CORO7: variants seen among roughly 807,000 people sequenced by gnomAD.
The protein encoded by CORO7 is coronin 7, also known as coronin-7.
CORO7 carries 107 observed loss-of-function variants against 126.6 expected under a neutral mutation model. The observed-to-expected ratio is 0.85, with a 90% CI of 0.72 to 0.99. The LOEUF is 0.99. Ranked by LOEUF, CORO7 falls within the 50% of genes least tolerant of loss-of-function variation. CORO7 has a pLI of 0.00. For missense variants in CORO7, 1,314 were observed against 1,255.8 expected, an observed-to-expected ratio of 1.05 and a Z score of -0.70; for synonymous variants, 603 against 536.8, an observed-to-expected ratio of 1.12 and a Z score of -1.70.
chr16:4,400,632 T>TCAAAAA (rs534799292), intron 6 of CORO7, among the ~76,000 whole-genome samples: 14 of 149,708 alleles, frequency 9.4e-5, no homozygotes, highest in East Asian at 5.9e-4. Context: ...AGACTCTGTC[T>TCAAAAA]CAAAAACAAA....
chr16:4,359,102 G>T, intron 23 of CORO7, 194 bp downstream of exon 23: 1 of 652,606 alleles, frequency 1.5e-6, no homozygotes, highest in Non-Finnish European at 2.5e-6. Context: ...GGTTGAGTAT[G>T]ACAATGGCTC....
chr16:4,412,095 G>C (rs1041847174), intron 3 of CORO7, among the ~76,000 whole-genome samples: 21 of 151,968 alleles, frequency 1.4e-4, no homozygotes, highest in African/African-American at 5.1e-4. Flanking sequence ...CATCAGCCTG[G>C]AGCCTGGGGC....
intron 2 of CORO7, 52 bp downstream of exon 2, chr16:4,413,256 T>C (rs901864051): frequency 2.6e-6 from 4 of 1,520,762 alleles, no homozygotes; most frequent in Non-Finnish European, 3.6e-6. Context: ...CCATCTATGG[T>C]GACGATGACC....
chr16:4,362,262 T>C lies in CORO7; in HGVS notation c.1403-102A>G, dbSNP rs1049395980. On this transcript the variant is annotated intron_variant, in intron 15 of 27. Coordinates refer to ENST00000251166, the MANE Select transcript of CORO7 (RefSeq NM_024535.5). This position sits in a 1 kb window ranked among gnomAD's most constrained non-coding sequence, Gnocchi z 5.3. ...GCCCACTCCCCTCACCCCAGGTGGA[T>C]GTACAGCATGGACCTAGGCCCAGGC... is the stretch of plus-strand genomic sequence containing the variant. The C allele has an allele frequency of 2.1e-6, 3 of 1,459,818 alleles. No individual in the cohort carries two copies. Among genetic ancestry groups the C allele is most frequent in the Non-Finnish European group, 2.7e-6 (3 of 1,095,038 alleles). 90.4% of individuals were successfully genotyped at this position (1,459,818 alleles called of 1,614,324 possible).
At chr16:4,396,010 G>GTGTGTGTGTGTGTA (rs1266235779) in intron 6 of CORO7, among the ~76,000 whole-genome samples, 1 of 149,456 alleles carries the variant, frequency 6.7e-6, no homozygotes, top group Non-Finnish European at 1.5e-5. Flanking sequence ...GTGTGTGTGT[G>GTGTGTGTGTGTGTA]TACACAAACA....
chr16:4,382,819 G>C, intron 9 of CORO7: 1 of 1,597,004 alleles, frequency 6.3e-7, no homozygotes, highest in Non-Finnish European at 8.5e-7. Context: ...CCTGCCCAGC[G>C]GGTCTGAGTG....
intron 1 of CORO7, among the ~76,000 whole-genome samples, chr16:4,416,193 G>A (rs1269725158): frequency 6.6e-6 from 1 of 152,146 alleles, no homozygotes; most frequent in South Asian, 2.1e-4. Context: ...GCGCCGCCTC[G>A]GGGGTCCCGG....
At chr16:4,361,560 C>G in intron 16 of CORO7, 91 bp from the exon 17 acceptor site, 1 of 1,433,908 alleles carries the variant, frequency 7.0e-7, no homozygotes, top group African/African-American at 1.4e-5. Context: ...GTCTGGGAGC[C>G]CACCCTCTGC....
rs188489257 is a variant in CORO7, at chr16:4,362,843, G to A, written c.1276-105C>T. The A allele has an allele frequency of 7.1e-4, 881 of 1,237,812 alleles. 5 individuals carry two copies. The African/African-American group carries it at 0.012, about 17-fold the overall frequency. The allele number at this position is 1,237,812 out of a possible 1,614,324, so 76.7% of individuals were successfully genotyped here. A position where few individuals can be genotyped will look rare whatever the true frequency, so the allele number is the denominator to read the frequency against. ...CACCACTCTGGGCCCCCTGCGGACTGGAGGAGCCCCCACTGTGGGCATGCG... is the reference window on the plus strand; with the variant it reads ...CACCACTCTGGGCCCCCTGCGGACTAGAGGAGCCCCCACTGTGGGCATGCG... On this transcript the variant is annotated intron_variant, in intron 14 of 27. Transcript: ENST00000251166. The surrounding 1 kb of genome is among the most constrained non-coding windows in gnomAD (Gnocchi z 5.3).
At chr16:4,361,654 C>A in intron 16 of CORO7, 185 bp from the exon 17 acceptor site, 1 of 828,320 alleles carries the variant, frequency 1.2e-6, no homozygotes, top group Non-Finnish European at 2.0e-6. Flanking sequence ...ACCACAAGGC[C>A]CCAGAGAGTG....
At chr16:4,408,042 G>T in intron 4 of CORO7, 139 bp downstream of exon 4, 1 of 1,337,112 alleles carries the variant, frequency 7.5e-7, no homozygotes, top group South Asian at 1.3e-5. Flanking sequence ...CAGGAATTCA[G>T]ACCAGCCCCG....
chr16:4,405,605 A>G (rs1186822493), intron 5 of CORO7, 38 bp from the exon 6 acceptor site: 20 of 1,588,472 alleles, frequency 1.3e-5, no homozygotes, highest in African/African-American at 2.7e-5. Context: ...CCGGGCAGTG[A>G]GGGCACCAGG....
At chr16:4,412,740 C>T (rs543694780) in intron 2 of CORO7, 89 of 392,500 alleles carry the variant, frequency 2.3e-4, no homozygotes, top group African/African-American at 1.5e-3. Context: ...CCACTTTTCG[C>T]ACTTTTACTT....
intron 9 of CORO7, among the ~76,000 whole-genome samples, chr16:4,366,146 C>G (rs989388170): frequency 2.0e-5 from 3 of 152,180 alleles, no homozygotes; most frequent in African/African-American, 7.2e-5. Context: ...GCCACGTGCC[C>G]GGGAGAAGGG....
intron 6 of CORO7, among the ~76,000 whole-genome samples, chr16:4,397,154 G>GT (rs1487465781): frequency 6.6e-6 from 1 of 151,878 alleles, no homozygotes. Flanking sequence ...TGAAAATATA[G>GT]TAAGTATGGC....
At chr16:4,371,252 C>G (rs2054510400) in intron 9 of CORO7, among the ~76,000 whole-genome samples, 1 of 152,164 alleles carries the variant, frequency 6.6e-6, no homozygotes, top group African/African-American at 2.4e-5. Context: ...TTAAGGCTGT[C>G]GTGGCTAAGA....
Position 4,357,986 on chromosome 16 carries a change from G to A in CORO7, c.2575C>T (p.Pro859Ser). The part of the protein sequence containing the change: ...NGQPWLLSLQ[P>S]PDMSPVSQAP... Reference sequence around the variant, plus strand: ...GGTGCACCTGGGCTCATGTCAGGAGGCTGCAGGCTGAGAAGCCAGGGCTGC... The same window carrying A: ...GGTGCACCTGGGCTCATGTCAGGAGACTGCAGGCTGAGAAGCCAGGGCTGC... The change falls in exon 25 of 28, where the codon CCT (proline) becomes TCT (serine). Residue 859 changes from proline (P) to serine (S), a missense_variant. Pro to Ser is a moderately conservative substitution (Grantham distance 74). Transcript: ENST00000251166. 6.2e-7 allele frequency: 1 copy of A among 1,608,724 alleles called. No homozygotes were observed. Among genetic ancestry groups the A allele is most frequent in the Non-Finnish European group, 8.5e-7 (1 of 1,175,874 alleles).
intron 9 of CORO7, among the ~76,000 whole-genome samples, chr16:4,387,445 C>G (rs958081893): frequency 6.6e-6 from 1 of 152,124 alleles, no homozygotes; most frequent in African/African-American, 2.4e-5. Context: ...TGGGGACATA[C>G]CTCAGGATAG....
At chr16:4,397,015 C>CAAAAAAAAAAAAAAAAAA (rs1236918347) in intron 6 of CORO7, among the ~76,000 whole-genome samples, 1 of 120,266 alleles carries the variant, frequency 8.3e-6, no homozygotes. Flanking sequence ...GACTCAATCT[C>CAAAAAAAAAAAAAAAAAA]AAAAAAAAAA....
Sources: allele counts gnomAD v4.1 joint callset (sites outside exome capture counted in the v4.1 genomes callset), GRCh38; gene constraint gnomAD v4.1.1; non-coding constraint Gnocchi (gnomAD v3.1); transcripts MANE v1.5; gene names NCBI Gene and HGNC (gene_info 2026-07-23, HGNC 2026-07-21).